Variants in CAST observed in about 807,000 individuals in gnomAD.
CAST encodes the protein calpastatin.
A neutral mutation model predicts 119.6 loss-of-function variants in CAST; 76 were observed. That is an observed-to-expected ratio of 0.64 (90% confidence interval 0.53 to 0.77). The LOEUF (loss-of-function observed/expected upper bound fraction) is 0.77, where lower values mean the gene tolerates loss of function less well. Ranked by LOEUF, CAST falls within the 30% of genes least tolerant of loss-of-function variation. The pLI is 0.00. For missense variants in CAST, 953 were observed against 946.5 expected (o/e 1.01, Z -0.09); for synonymous variants, 319 against 331.6 (o/e 0.96, Z 0.41).
chr5:96,277,631 A>G, the CAST span, among the ~76,000 whole-genome samples: 1 of 152,194 alleles, frequency 6.6e-6, no homozygotes, highest in African/African-American at 2.4e-5. Flanking sequence ...GCTGTTAAGA[A>G]TCCAGAAGTA....
At chr5:96,469,519 T>G in the CAST span, among the ~76,000 whole-genome samples, 1 of 151,970 alleles carries the variant, frequency 6.6e-6, no homozygotes, top group African/African-American at 2.4e-5. Context: ...TTTAGAAAAC[T>G]TGATTATTTT....
chr5:96,755,838 A>G (rs1334760722), intron 22 of CAST, among the ~76,000 whole-genome samples: 2 of 152,150 alleles, frequency 1.3e-5, no homozygotes, highest in Non-Finnish European at 2.9e-5. Context: ...TCATTTGTAC[A>G]TTGCTTTGCA....
chr5:96,540,020 C>A (rs1745883293), intron 1 of CAST, among the ~76,000 whole-genome samples: 1 of 151,804 alleles, frequency 6.6e-6, no homozygotes, highest in Non-Finnish European at 1.5e-5. Context: ...TTATAGTATA[C>A]CTCTTTATCT....
At chr5:96,273,056 TA>T in the CAST span, among the ~76,000 whole-genome samples, 1 of 152,342 alleles carries the variant, frequency 6.6e-6, no homozygotes, top group Non-Finnish European at 1.5e-5. Context: ...TTTACACCAG[TA>T]TACCTTCCTT....
At chr5:96,506,008 T>G in the CAST span, among the ~76,000 whole-genome samples, 1 of 152,194 alleles carries the variant, frequency 6.6e-6, no homozygotes, top group Non-Finnish European at 1.5e-5. Flanking sequence ...AAGAAGAGAT[T>G]TTTCCAATTT....
the CAST span, among the ~76,000 whole-genome samples, chr5:96,008,599 A>T: frequency 2.6e-5 from 4 of 152,174 alleles, no homozygotes; most frequent in Admixed American, 6.5e-5. Flanking sequence ...CCATGGTTTC[A>T]GGGATGAACA....
chr5:95,998,614 G>A, the CAST span, among the ~76,000 whole-genome samples: 1 of 152,130 alleles, frequency 6.6e-6, no homozygotes, highest in Non-Finnish European at 1.5e-5. Context: ...TGGCTAAGTA[G>A]TATTCCATGG....
the CAST span, among the ~76,000 whole-genome samples, chr5:96,223,584 T>G: frequency 7.9e-5 from 12 of 152,302 alleles, no homozygotes; most frequent in African/African-American, 2.9e-4. Flanking sequence ...ATGGCCTTGC[T>G]GGCACTTAGA....
chr5:96,479,572 C>T, the CAST span, among the ~76,000 whole-genome samples: 1 of 151,872 alleles, frequency 6.6e-6, no homozygotes, highest in African/African-American at 2.4e-5. Context: ...GCCTCAACCT[C>T]CCCAGTAGCT....
At chr5:96,411,286 C>A in the CAST span, among the ~76,000 whole-genome samples, 1 of 152,198 alleles carries the variant, frequency 6.6e-6, no homozygotes, top group African/African-American at 2.4e-5. Context: ...TTTTTCCACC[C>A]TTCTCTTAGT....
At chr5:96,720,792 G>A (rs1581119574) in intron 3 of CAST, among the ~76,000 whole-genome samples, 2 of 152,188 alleles carry the variant, frequency 1.3e-5, no homozygotes, top group East Asian at 3.8e-4. Context: ...GTGATTTTAT[G>A]GATGATTTAA....
intron 16 of CAST, among the ~76,000 whole-genome samples, chr5:96,744,105 G>T (rs1763245146): frequency 1.3e-5 from 2 of 152,170 alleles, no homozygotes; most frequent in Non-Finnish European, 2.9e-5. Context: ...AAACATGTGG[G>T]TAACTAGTTT....
chr5:96,737,768 A>G, intron 10 of CAST, 81 bp from the exon 11 acceptor site: 1 of 747,658 alleles, frequency 1.3e-6, no homozygotes, highest in Non-Finnish European at 2.2e-6. Flanking sequence ...TTTTCTACAC[A>G]GAATGGCTTT....
At chr5:96,730,682 T>A in intron 8 of CAST, 98 bp from the exon 9 acceptor site, 1 of 854,934 alleles carries the variant, frequency 1.2e-6, no homozygotes, top group Non-Finnish European at 2.0e-6. Context: ...TCCGTGAGGG[T>A]GAACTGGCAG....
At chr5:96,487,126 A>G in the CAST span, among the ~76,000 whole-genome samples, 1 of 151,442 alleles carries the variant, frequency 6.6e-6, no homozygotes, top group Non-Finnish European at 1.5e-5. Context: ...GGGTCAGAAA[A>G]GAAAAACATC....
chr5:96,743,863 G>C (rs549388766), intron 16 of CAST: 6 of 708,896 alleles, frequency 8.5e-6, no homozygotes, highest in Non-Finnish European at 9.1e-6. Flanking sequence ...GCAGAATCCT[G>C]GGGGGAGTCA....
chr5:96,622,009 GC>G (rs1478575871), intron 1 of CAST, among the ~76,000 whole-genome samples: 8 of 110,100 alleles, frequency 7.3e-5, no homozygotes, highest in African/African-American at 2.9e-4. Flanking sequence ...TCACTCTGTT[GC>G]CCGGGCTGGA....
At chr5:96,206,747 G>A in the CAST span, among the ~76,000 whole-genome samples, 3 of 151,906 alleles carry the variant, frequency 2.0e-5, no homozygotes, top group Non-Finnish European at 4.4e-5. Flanking sequence ...TGATGCCTCC[G>A]GCTTGTTCTT....
chr5:96,714,643 A>T (rs1027849362), intron 3 of CAST: 11 of 152,338 alleles, frequency 7.2e-5, no homozygotes, highest in Middle Eastern at 3.4e-3. Flanking sequence ...TATCTTAGGC[A>T]GCCAGAGATT....
Sources: allele counts gnomAD v4.1 joint callset (sites outside exome capture counted in the v4.1 genomes callset), GRCh38; gene constraint gnomAD v4.1.1; transcripts MANE v1.5; gene names NCBI Gene and HGNC (gene_info 2026-07-23, HGNC 2026-07-21).